Variants in VPS13B observed in about 807,000 individuals in gnomAD.
The protein encoded by VPS13B is vacuolar protein sorting 13 homolog B.
In VPS13B, 285 loss-of-function variants were observed where a neutral mutation model predicts 426.4. The ratio of observed to expected loss-of-function variants is 0.67; its 90% CI spans 0.61 to 0.74. The LOEUF (loss-of-function observed/expected upper bound fraction) is 0.74. Ranked by LOEUF, VPS13B falls within the 30% of genes least tolerant of loss-of-function variation. The probability of loss-of-function intolerance (pLI) is 0.00; values close to 1 mark genes in which losing one functional copy is unlikely to be tolerated. For synonymous variants in VPS13B, 1,676 were observed against 1,676.4 expected (o/e 1.00, Z 0.01); for missense variants, 4,537 against 4,782.6 (o/e 0.95, Z 1.51).
At chr8:99,779,063 G>A (rs367547538) in intron 42 of VPS13B, 32 bp downstream of exon 42, 29 of 1,590,506 alleles carry the variant, frequency 1.8e-5, no homozygotes, top group Admixed American at 5.0e-5. Flanking sequence ...TTACAGTTTG[G>A]CCACATATGA....
rs969575846 is a variant in VPS13B, at chr8:99,665,679, G to T, written c.6046+4188G>T. ...CTCTGTTCTGTTCCATTGGTCTATA[G>T]CTCTGTTTTGGTACCAGTACCATGC... On this transcript the variant is annotated intron_variant, in intron 35 of 61. Transcript: ENST00000357162. Among the ~76,000 whole-genome samples, 1,473 of 152,088 alleles carry T rather than the reference G, an allele frequency of 9.7e-3. 12 individuals are homozygous for T. The highest frequency in any genetic ancestry group is 0.014 in the Non-Finnish European group (934 of 67,972).
intron 3 of VPS13B, among the ~76,000 whole-genome samples, chr8:99,062,853 C>G (rs1288307087): frequency 6.6e-6 from 1 of 152,108 alleles, no homozygotes; most frequent in Non-Finnish European, 1.5e-5. Flanking sequence ...TTTTCTTAAC[C>G]ATTACTGAAA....
chr8:99,115,106 T>G (rs1273911792), intron 6 of VPS13B, among the ~76,000 whole-genome samples: 1 of 152,194 alleles, frequency 6.6e-6, no homozygotes, highest in Non-Finnish European at 1.5e-5. Context: ...TTACTTAAAA[T>G]TTGTCTGAAA....
At chr8:99,758,651 C>G (rs1810760821) in intron 39 of VPS13B, among the ~76,000 whole-genome samples, 1 of 152,138 alleles carries the variant, frequency 6.6e-6, no homozygotes, top group African/African-American at 2.4e-5. Flanking sequence ...ACATGCTTCA[C>G]TTCCTTGTTT....
chr8:99,315,257 C>T (rs1414610562), intron 19 of VPS13B, among the ~76,000 whole-genome samples: 5 of 151,786 alleles, frequency 3.3e-5, no homozygotes, highest in Admixed American at 1.3e-4. Context: ...CTCTGGGACA[C>T]TGAAAATGCA....
At chr8:99,429,027 A>G (rs1445745031) in intron 21 of VPS13B, among the ~76,000 whole-genome samples, 1 of 152,214 alleles carries the variant, frequency 6.6e-6, no homozygotes, top group Non-Finnish European at 1.5e-5. Flanking sequence ...AACTAACGCA[A>G]GGACAAAAAA....
At chr8:99,294,758 C>G (rs1459079356) in intron 19 of VPS13B, among the ~76,000 whole-genome samples, 2 of 152,116 alleles carry the variant, frequency 1.3e-5, no homozygotes, top group African/African-American at 2.4e-5. Flanking sequence ...ATGCCAGATA[C>G]TGAATACTGT....
intron 31 of VPS13B, among the ~76,000 whole-genome samples, chr8:99,557,258 G>C (rs1824633867): frequency 6.6e-6 from 1 of 151,980 alleles, no homozygotes; most frequent in Non-Finnish European, 1.5e-5. Context: ...TATACACTGA[G>C]TCCAATATGT....
At position 99,493,645 on chromosome 8, in the gene VPS13B, T is replaced by C. The variant is rs370740885; in HGVS notation, c.3871-8042T>C. On this transcript the variant is annotated intron_variant, in intron 25 of 61. Transcript: ENST00000357162. Reference sequence around the variant, plus strand: ...ACTCCAAATACAAAACTTAACTGGGTGTGGTGGCGTGTGCCTGTAATCCCG... The same window carrying C: ...ACTCCAAATACAAAACTTAACTGGGCGTGGTGGCGTGTGCCTGTAATCCCG... Among the ~76,000 whole-genome samples, 312 of 151,286 alleles carry C rather than the reference T, an allele frequency of 2.1e-3. 10 individuals are homozygous for C. The South Asian group carries it at 0.063, about 30-fold the overall frequency.
intron 33 of VPS13B, among the ~76,000 whole-genome samples, chr8:99,624,007 A>ATATATTTTT (rs1206203704): frequency 2.0e-5 from 2 of 101,100 alleles, no homozygotes; most frequent in African/African-American, 4.4e-5. Context: ...ATATATATAT[A>ATATATTTTT]TTTTTTTTTT....
chr8:99,585,086 A>T (rs1826239962), intron 33 of VPS13B, among the ~76,000 whole-genome samples: 2 of 152,210 alleles, frequency 1.3e-5, no homozygotes, highest in South Asian at 4.1e-4. Flanking sequence ...TAAATTTGCC[A>T]TCAATAAAAA....
intron 34 of VPS13B, among the ~76,000 whole-genome samples, chr8:99,647,476 A>T (rs1373493432): frequency 6.6e-6 from 1 of 151,560 alleles, no homozygotes; most frequent in Non-Finnish European, 1.5e-5. Context: ...CGGAAGAATC[A>T]CTTAAAAAGG....
At chr8:99,309,924 A>G (rs1018116624) in intron 19 of VPS13B, among the ~76,000 whole-genome samples, 1 of 152,068 alleles carries the variant, frequency 6.6e-6, no homozygotes, top group Admixed American at 6.6e-5. Flanking sequence ...ATTCCTAGGT[A>G]TTTTATTCTC....
chr8:99,621,277 TG>T (rs1828336750), intron 33 of VPS13B, among the ~76,000 whole-genome samples: 1 of 152,178 alleles, frequency 6.6e-6, no homozygotes, highest in South Asian at 2.1e-4. Flanking sequence ...AAAGATTACT[TG>T]CATTCCCTTC....
intron 2 of VPS13B, among the ~76,000 whole-genome samples, chr8:99,038,046 A>G (rs148584112): frequency 4.6e-5 from 7 of 152,224 alleles, no homozygotes; most frequent in African/African-American, 1.7e-4. Flanking sequence ...ACTATCATAT[A>G]TCAGCCTTCA....
intron 3 of VPS13B, among the ~76,000 whole-genome samples, chr8:99,045,532 G>T (rs892458947): frequency 2.0e-5 from 3 of 152,032 alleles, no homozygotes; most frequent in Admixed American, 6.6e-5. Context: ...TGTTCCTTTT[G>T]CCGTGCAAAA....
At chr8:99,727,135 T>C (rs1273485976) in intron 39 of VPS13B, among the ~76,000 whole-genome samples, 1 of 152,224 alleles carries the variant, frequency 6.6e-6, no homozygotes, top group Non-Finnish European at 1.5e-5. Context: ...TCACAAAATT[T>C]ATAAGTGAGG....
intron 19 of VPS13B, among the ~76,000 whole-genome samples, chr8:99,331,155 G>A (rs1810522063): frequency 1.3e-5 from 2 of 151,842 alleles, no homozygotes; most frequent in Non-Finnish European, 2.9e-5. Context: ...GGCAGAGAAT[G>A]AGACCTATAG....
intron 31 of VPS13B, among the ~76,000 whole-genome samples, chr8:99,571,273 C>T (rs1825460406): frequency 6.8e-6 from 1 of 147,302 alleles, no homozygotes. Flanking sequence ...AAAATATTGA[C>T]AGAATTTAAT....
Sources: allele counts gnomAD v4.1 joint callset (sites outside exome capture counted in the v4.1 genomes callset), GRCh38; gene constraint gnomAD v4.1.1; transcripts MANE v1.5; gene names NCBI Gene and HGNC (gene_info 2026-07-23, HGNC 2026-07-21).